NUDT13: variants seen among roughly 807,000 people sequenced by gnomAD.
NUDT13 encodes nudix hydrolase 13, also known as NAD(P)H pyrophosphatase NUDT13, mitochondrial.
NUDT13 carries 40 observed loss-of-function variants against 41.7 expected under a neutral mutation model. That is an observed-to-expected ratio of 0.96 (90% confidence interval 0.75 to 1.25). The LOEUF (loss-of-function observed/expected upper bound fraction) is 1.25, where lower values mean the gene tolerates loss of function less well. Among genes scored for constraint, NUDT13 ranks in the 50% most tolerant of loss-of-function variants. NUDT13 has a pLI of 0.00. For synonymous variants in NUDT13, 145 were observed against 155.5 expected, an observed-to-expected ratio of 0.93 and a Z score of 0.50; for missense variants, 390 against 416.1, an observed-to-expected ratio of 0.94 and a Z score of 0.55.
At chr10:73,126,986 G>A (rs1479778668) in intron 8 of NUDT13, among the ~76,000 whole-genome samples, 159 bp downstream of exon 8, 2 of 152,256 alleles carry the variant, frequency 1.3e-5, no homozygotes, top group African/African-American at 4.8e-5. Context: ...GCTCATGCCT[G>A]TAATCCCAAC....
At chr10:73,129,161 CGTT>C (rs1483216339) in intron 8 of NUDT13, among the ~76,000 whole-genome samples, 9 of 144,484 alleles carry the variant, frequency 6.2e-5, no homozygotes, top group Non-Finnish European at 3.0e-5. Context: ...AAACTTAAGA[CGTT>C]GTCTTTTTTT....
intron 4 of NUDT13, among the ~76,000 whole-genome samples, chr10:73,123,209 A>G (rs2394918): frequency 2.6e-5 from 4 of 152,126 alleles, no homozygotes; most frequent in African/African-American, 7.2e-5. Context: ...CACATTTTGT[A>G]TATTTCAGTA....
At chr10:73,119,228 T>C (rs1311793700) in intron 2 of NUDT13, among the ~76,000 whole-genome samples, 1 of 151,934 alleles carries the variant, frequency 6.6e-6, no homozygotes, top group Non-Finnish European at 1.5e-5. Context: ...GTATTTTTAG[T>C]AGAGACAGGG....
chr10:73,117,828 A>C (rs1842553346), intron 2 of NUDT13, among the ~76,000 whole-genome samples: 1 of 152,176 alleles, frequency 6.6e-6, no homozygotes, highest in African/African-American at 2.4e-5. Flanking sequence ...TTTACTGTTA[A>C]AATAAGGAAA....
At chr10:73,124,901 T>A in intron 5 of NUDT13, 2 of 480,484 alleles carry the variant, frequency 4.2e-6, no homozygotes, top group Non-Finnish European at 3.6e-6. Flanking sequence ...ATAATACATT[T>A]AAAAATATGC....
chr10:73,111,540 T>C (rs1842368049), intron 1 of NUDT13, among the ~76,000 whole-genome samples: 1 of 152,216 alleles, frequency 6.6e-6, no homozygotes, highest in African/African-American at 2.4e-5. Flanking sequence ...ATCATTTGTG[T>C]TGGGGAGTTC....
Position 73,126,721 on chromosome 10 carries a change from G to C in NUDT13, c.752G>C (p.Gly251Ala). 3 of 1,614,190 alleles carry C rather than the reference G, an allele frequency of 1.9e-6. No homozygotes were observed. The highest frequency in any genetic ancestry group is 2.5e-6 in the Non-Finnish European group (3 of 1,180,022). The change falls in exon 8 of 9, where the codon GGA becomes GCA. Residue 251 changes from glycine (G) to alanine (A), a missense_variant. By Grantham distance (60) the Gly-to-Ala change is moderately conservative (BLOSUM62 0). Transcript: ENST00000357321. ...TIRREVAEEV[G>A]LEVESLQYYA... ...CGCCGAGAAGTTGCAGAAGAGGTGG[G>C]ATTGGAGGTGGAAAGCCTGCAGTAC... is the stretch of plus-strand genomic sequence containing the variant.
intron 8 of NUDT13, chr10:73,130,444 C>T (rs557826329): frequency 6.5e-6 from 1 of 153,898 alleles, no homozygotes; most frequent in African/African-American, 2.6e-5. Context: ...GCCTGGGCAA[C>T]AGAGAGAGAC....
chr10:73,130,888 T>C lies in NUDT13; in HGVS notation c.1044T>C (p.Ser348=). The C allele has an allele frequency of 6.2e-7, 1 of 1,613,564 alleles. No individual in the cohort carries two copies. Among genetic ancestry groups the C allele is most frequent in the Non-Finnish European group, 8.5e-7 (1 of 1,179,754 alleles). Residue 348 remains serine (S), a synonymous_variant, in exon 9 of 9, where the codon TCT becomes TCC. Transcript: ENST00000357321. ...AGTGGGTGGAAAAACAGACCTGTTCTTCCCTGCCTGCTTAGCCCGGATCAA... is the reference window on the plus strand; with the variant it reads ...AGTGGGTGGAAAAACAGACCTGTTCCTCCCTGCCTGCTTAGCCCGGATCAA... ...IKEWVEKQTC[S]SLPA
At chr10:73,124,107 C>A in intron 4 of NUDT13, 107 bp from the exon 5 acceptor site, 1 of 738,124 alleles carries the variant, frequency 1.4e-6, no homozygotes, top group Non-Finnish European at 2.3e-6. Flanking sequence ...CTAGCTGAAT[C>A]TTACGAGGCA....
chr10:73,124,370 T>C (rs1424974829), intron 5 of NUDT13, 50 bp downstream of exon 5: 2 of 1,268,996 alleles, frequency 1.6e-6, no homozygotes, highest in Non-Finnish European at 2.3e-6. Flanking sequence ...GCAGTAAGTG[T>C]GGGCAAATCC....
At chr10:73,117,013 G>A (rs1245365756) in intron 2 of NUDT13, among the ~76,000 whole-genome samples, 1 of 146,590 alleles carries the variant, frequency 6.8e-6, no homozygotes, top group Non-Finnish European at 1.5e-5. Context: ...AGCCTCCTGA[G>A]TAGCTGGGAC....
intron 1 of NUDT13, among the ~76,000 whole-genome samples, chr10:73,112,934 C>CT (rs1842405045): frequency 6.6e-6 from 1 of 152,038 alleles, no homozygotes; most frequent in African/African-American, 2.4e-5. Context: ...GTTGCCCAGG[C>CT]TGGAGTGCAA....
chr10:73,113,903 A>G (rs1396656133), intron 1 of NUDT13, among the ~76,000 whole-genome samples: 7 of 152,226 alleles, frequency 4.6e-5, no homozygotes, highest in Non-Finnish European at 7.3e-5. Context: ...TTCATGGGGA[A>G]TAAAATACTG....
intron 4 of NUDT13, among the ~76,000 whole-genome samples, chr10:73,122,925 A>G: frequency 7.4e-6 from 1 of 135,776 alleles, no homozygotes. Flanking sequence ...TTTGAGGCAG[A>G]GTTTCACTCT....
intron 8 of NUDT13, among the ~76,000 whole-genome samples, chr10:73,129,229 G>A (rs1282839807): frequency 1.4e-5 from 2 of 143,358 alleles, no homozygotes; most frequent in African/African-American, 5.3e-5. Context: ...CTGGAGTGCA[G>A]TGGCACAATC....
At chr10:73,124,896 AC>A in intron 5 of NUDT13, 1 of 462,002 alleles carries the variant, frequency 2.2e-6, no homozygotes, top group Non-Finnish European at 3.8e-6. Flanking sequence ...AAATAATAAT[AC>A]ATTTAAAAAT....
At chr10:73,114,502 T>C (rs1196469294) in intron 2 of NUDT13, 54 bp downstream of exon 2, 30 of 821,576 alleles carry the variant, frequency 3.7e-5, no homozygotes, top group Non-Finnish European at 5.7e-5. Context: ...ATTAAACTAT[T>C]GTGATATTAT....
Position 73,122,176 on chromosome 10 carries a change from G to C in NUDT13, c.225G>C (p.Glu75Asp). The C allele has an allele frequency of 6.2e-7, 1 of 1,612,102 alleles. No homozygotes were observed. The highest frequency in any genetic ancestry group is 1.3e-5 in the African/African-American group (1 of 74,886). Reference protein sequence around the residue: ...QYLAPRHSLLELERLLGKFGQ... With the variant: ...QYLAPRHSLLDLERLLGKFGQ... Reference sequence around the variant, plus strand: ...TCCCTTCCCCTTTCTGTTTCTTAGAGTTGGAAAGGCTCCTGGGTAAATTTG... The same window carrying C: ...TCCCTTCCCCTTTCTGTTTCTTAGACTTGGAAAGGCTCCTGGGTAAATTTG... Residue 75 changes from glutamate to aspartate, a missense_variant and splice_region_variant, in exon 4 of 9, where the codon GAG becomes GAC. By Grantham distance (45) the Glu-to-Asp change is conservative (BLOSUM62 2). Coordinates refer to ENST00000357321, the MANE Select transcript of NUDT13 (RefSeq NM_015901.6).
Sources: gnomAD v4.1 joint callset for allele counts (sites outside exome capture counted in the v4.1 genomes callset) on GRCh38, gnomAD v4.1.1 for gene constraint, MANE v1.5 for transcripts, NCBI Gene and HGNC (gene_info 2026-07-23, HGNC 2026-07-21) for gene names.